The following ZC3H3 variants were observed in gnomAD, a reference collection of about 807,000 sequenced individuals.
ZC3H3 encodes the protein zinc finger CCCH-type containing 3, also known as zinc finger CCCH domain-containing protein 3.
ZC3H3 carries 36 observed loss-of-function variants against 77.3 expected under a neutral mutation model. That is an observed-to-expected ratio of 0.47 (90% CI 0.36 to 0.61). ZC3H3 has a LOEUF of 0.61. ZC3H3 is among the 20% of genes least tolerant of loss of function. The pLI, the probability that ZC3H3 is intolerant of heterozygous loss-of-function variation, is 0.00. For synonymous variants in ZC3H3, 626 were observed against 555.2 expected, an observed-to-expected ratio of 1.13 and a Z score of -1.79; for missense variants, 1,331 against 1,312.2, an observed-to-expected ratio of 1.01 and a Z score of -0.22.
intron 3 of ZC3H3, among the ~76,000 whole-genome samples, chr8:143,527,710 C>T (rs1377348697): frequency 6.6e-6 from 1 of 152,170 alleles, no homozygotes; most frequent in Non-Finnish European, 1.5e-5. Context: ...ATTGAACAGC[C>T]CAGCTGCACA....
intron 4 of ZC3H3, among the ~76,000 whole-genome samples, chr8:143,498,434 C>T (rs1821415821): frequency 6.6e-6 from 1 of 152,194 alleles, no homozygotes; most frequent in African/African-American, 2.4e-5. Context: ...GTGTGGCCCG[C>T]TCACCGGTCA....
At chr8:143,477,693 A>C (rs1337913661) in intron 4 of ZC3H3, among the ~76,000 whole-genome samples, 1 of 152,148 alleles carries the variant, frequency 6.6e-6, no homozygotes, top group African/African-American at 2.4e-5. Context: ...CACAGGAGCT[A>C]CGGCCACTAC....
chr8:143,511,899 C>A (rs1215931305), intron 3 of ZC3H3, among the ~76,000 whole-genome samples: 1 of 152,242 alleles, frequency 6.6e-6, no homozygotes, highest in East Asian at 1.9e-4. Context: ...AGGCTTCATC[C>A]CAGCTGGGGA....
At chr8:143,454,358 TG>T (rs1820060726) in intron 9 of ZC3H3, among the ~76,000 whole-genome samples, 1 of 151,806 alleles carries the variant, frequency 6.6e-6, no homozygotes. Flanking sequence ...TCCAAAGTGC[TG>T]GGATTATAGG....
intron 3 of ZC3H3, among the ~76,000 whole-genome samples, chr8:143,515,841 C>G (rs538746651): frequency 6.6e-6 from 1 of 152,236 alleles, no homozygotes; most frequent in South Asian, 2.1e-4. Context: ...ACACACCGGC[C>G]GCCTCTACCT....
rs1819629730 is a variant in ZC3H3 at position 143,438,008 on chromosome 8, C to T, written c.*48G>A. On this transcript the variant is annotated 3_prime_UTR_variant, in exon 12 of 12. Transcript: ENST00000262577. Reference sequence around the variant, plus strand: ...GAGTGGTGGACAGAGCCTCTTTCCTCTCCAAGGATGAGGGTCTGAGGTAGG... The same window carrying T: ...GAGTGGTGGACAGAGCCTCTTTCCTTTCCAAGGATGAGGGTCTGAGGTAGG... 6.3e-7 allele frequency: 1 copy of T among 1,594,164 alleles called. No homozygotes were observed. Among genetic ancestry groups the T allele is most frequent in the African/African-American group, 1.3e-5 (1 of 74,674 alleles).
Position 143,493,181 on chromosome 8 carries a change from G to A in ZC3H3, c.1715+14565C>T, listed in dbSNP as rs1387292967. ...CTCAGGGTCCCGTGTCCTGGCCCAGGGGCTCCCTCCTCAGGGTCCCGTGTC... is the reference window on the plus strand; with the variant it reads ...CTCAGGGTCCCGTGTCCTGGCCCAGAGGCTCCCTCCTCAGGGTCCCGTGTC... On this transcript the variant is annotated intron_variant, in intron 4 of 11. Coordinates refer to ENST00000262577, the MANE Select transcript of ZC3H3 (RefSeq NM_015117.3). The surrounding 1 kb of genome is among the most constrained non-coding windows in gnomAD (Gnocchi z 4.8). Among the ~76,000 whole-genome samples the A allele has an allele frequency of 6.8e-6, 1 of 146,374 alleles. No individual in the cohort carries two copies. Among genetic ancestry groups the A allele is most frequent in the Non-Finnish European group, 1.5e-5 (1 of 66,312 alleles).
Position 143,523,424 on chromosome 8 carries a change from G to A in ZC3H3, c.1561+12833C>T, listed in dbSNP as rs1056704220. On this transcript the variant is annotated intron_variant, in intron 3 of 11. Coordinates refer to ENST00000262577, the MANE Select transcript of ZC3H3 (RefSeq NM_015117.3). ...TTCATGTTTTCCCGGTGCCCTGTCT[G>A]GAAGGTGATCTCAGGGAGGGTGGTG... 1.6e-5 allele frequency: 16 copies of A among 985,342 alleles called. No homozygotes were observed. In the African/African-American group the frequency reaches 2.8e-4, roughly 17 times the overall value. The allele number at this position is 985,342 out of a possible 1,614,324, so 61.0% of individuals were successfully genotyped here.
intron 3 of ZC3H3, among the ~76,000 whole-genome samples, chr8:143,529,053 C>T (rs540688822): frequency 1.8e-4 from 27 of 152,336 alleles, no homozygotes; most frequent in Admixed American, 1.4e-3. Flanking sequence ...CAGAATGGAC[C>T]ACGGCCCACC....
intron 3 of ZC3H3, among the ~76,000 whole-genome samples, chr8:143,528,650 G>A (rs1434905367): frequency 2.0e-5 from 3 of 152,228 alleles, no homozygotes; most frequent in Non-Finnish European, 4.4e-5. Flanking sequence ...TCTCAAAGGG[G>A]CAGGACAGCG....
intron 3 of ZC3H3, among the ~76,000 whole-genome samples, chr8:143,531,323 A>C (rs920683764): frequency 6.6e-6 from 1 of 152,182 alleles, no homozygotes; most frequent in African/African-American, 2.4e-5. Context: ...GGGAAGGAAG[A>C]AACGGAAGGC....
chr8:143,442,552 G>A (rs999569494), intron 9 of ZC3H3, among the ~76,000 whole-genome samples: 1 of 151,892 alleles, frequency 6.6e-6, no homozygotes, highest in East Asian at 2.0e-4. Flanking sequence ...TGTTCACAAA[G>A]GGGCAGGACT....
chr8:143,523,224 G>T, intron 3 of ZC3H3: 2 of 779,550 alleles, frequency 2.6e-6, no homozygotes, highest in Non-Finnish European at 3.1e-6. Flanking sequence ...GGACCACCTG[G>T]CCCCCACACC....
Position 143,460,524 on chromosome 8 carries a change from C to T in ZC3H3, c.2307+5193G>A, listed in dbSNP as rs1245914781. ...CTTGCCGATTCCTCAGAAAGCTAAA[C>T]ACAGAATTACTCAGACTCCAGCAAT... On this transcript the variant is annotated intron_variant, in intron 9 of 11. Coordinates refer to ENST00000262577, the MANE Select transcript of ZC3H3 (RefSeq NM_015117.3). The surrounding 1 kb of genome is among the most constrained non-coding windows in gnomAD (Gnocchi z 4.0). Among the ~76,000 whole-genome samples, 1 of 152,086 alleles carries T rather than the reference C, an allele frequency of 6.6e-6. No individual in the cohort carries two copies. Among genetic ancestry groups the T allele is most frequent in the Non-Finnish European group, 1.5e-5 (1 of 68,016 alleles).
chr8:143,451,719 G>C (rs944669407), intron 9 of ZC3H3, among the ~76,000 whole-genome samples: 3 of 151,426 alleles, frequency 2.0e-5, no homozygotes, highest in Admixed American at 2.0e-4. Context: ...AGGAGACAGA[G>C]GTTGCAGTGA....
chr8:143,468,682 T>A, intron 5 of ZC3H3, 23 bp from the exon 6 acceptor site: 5 of 1,544,914 alleles, frequency 3.2e-6, no homozygotes, highest in Non-Finnish European at 4.4e-6. Context: ...GAGGCACGGG[T>A]CATAGCAGGC....
At chr8:143,479,130 T>C (rs1307992687) in intron 4 of ZC3H3, among the ~76,000 whole-genome samples, 1 of 152,196 alleles carries the variant, frequency 6.6e-6, no homozygotes, top group Non-Finnish European at 1.5e-5. Context: ...GAAGATGCTG[T>C]GGCAGAACGT....
intron 11 of ZC3H3, among the ~76,000 whole-genome samples, chr8:143,439,238 C>A (rs1029234836): frequency 6.6e-6 from 1 of 152,160 alleles, no homozygotes; most frequent in African/African-American, 2.4e-5. Flanking sequence ...GCTCCACGCC[C>A]CTGACGTGGA....
chr8:143,444,970 G>T (rs934994102), intron 9 of ZC3H3, among the ~76,000 whole-genome samples: 1 of 152,186 alleles, frequency 6.6e-6, no homozygotes, highest in Non-Finnish European at 1.5e-5. Context: ...GTTCAGCAAA[G>T]TTGCTGGAGA....
Sources: gnomAD v4.1 joint callset for allele counts (sites outside exome capture counted in the v4.1 genomes callset) on GRCh38, gnomAD v4.1.1 for gene constraint, Gnocchi (gnomAD v3.1) non-coding constraint, MANE v1.5 for transcripts, NCBI Gene and HGNC (gene_info 2026-07-23, HGNC 2026-07-21) for gene names.